Variants in GRIK2 observed in about 807,000 individuals in gnomAD.
GRIK2 encodes glutamate receptor ionotropic, kainate 2.
In GRIK2, 32 loss-of-function variants were observed where a neutral mutation model predicts 100.3. The ratio of observed to expected loss-of-function variants is 0.32; its 90% CI spans 0.24 to 0.43. The LOEUF (loss-of-function observed/expected upper bound fraction) is 0.43. Ranked by LOEUF, GRIK2 falls within the 20% of genes least tolerant of loss-of-function variation. The pLI is 1.00. For missense variants in GRIK2, 843 were observed against 1,114.9 expected (o/e 0.76, Z 3.47); for synonymous variants, 417 against 389.4 (o/e 1.07, Z -0.83).
In GRIK2 at chr6:101,902,521, A is replaced by T. The variant is rs1024838942; in HGVS notation, c.1748+12658A>T. Among the ~76,000 whole-genome samples the T allele has an allele frequency of 2.6e-5, 4 of 151,976 alleles. No homozygotes were observed. The East Asian group carries it at 7.7e-4, about 29-fold the overall frequency. ...CATTTAAATAAGTTTATACCTAAACAATTAGCATAACATTTTTGAGTTAAC... is the reference window on the plus strand; with the variant it reads ...CATTTAAATAAGTTTATACCTAAACTATTAGCATAACATTTTTGAGTTAAC... On this transcript the variant is annotated intron_variant, in intron 12 of 16. Transcript: ENST00000369134.
intron 7 of GRIK2, among the ~76,000 whole-genome samples, chr6:101,769,806 T>C (rs1263940030): frequency 6.6e-6 from 1 of 152,128 alleles, no homozygotes; most frequent in Non-Finnish European, 1.5e-5. Context: ...CAAAGTAAAC[T>C]ATGCACATAG....
At chr6:101,977,956 G>A (rs1382198040) in intron 14 of GRIK2, among the ~76,000 whole-genome samples, 1 of 151,962 alleles carries the variant, frequency 6.6e-6, no homozygotes, top group Admixed American at 6.6e-5. Flanking sequence ...TTATTCTTGT[G>A]AGTTAGATGC....
At position 102,065,099 on chromosome 6, in the gene GRIK2, A is replaced by T. The variant is rs150209242; in HGVS notation, c.2563-3248A>T. ...TAAAATTTGTATTTTGTCATTATGT[A>T]ATCGAGACCATTGATTGACTTATGA... On this transcript the variant is annotated intron_variant, in intron 16 of 16. Transcript: ENST00000369134. Among the ~76,000 whole-genome samples the T allele has an allele frequency of 2.4e-3, 358 of 151,450 alleles. 1 individual carries two copies. The highest frequency in any genetic ancestry group is 3.9e-3 in the Non-Finnish European group (260 of 67,496).
chr6:101,483,773 G>T (rs1237213635), intron 2 of GRIK2, among the ~76,000 whole-genome samples: 1 of 151,914 alleles, frequency 6.6e-6, no homozygotes, highest in Non-Finnish European at 1.5e-5. Flanking sequence ...GATGGGTTTC[G>T]CCATGTTGGC....
At chr6:101,961,195 T>C (rs1209929942) in intron 14 of GRIK2, among the ~76,000 whole-genome samples, 2 of 152,140 alleles carry the variant, frequency 1.3e-5, no homozygotes, top group Non-Finnish European at 2.9e-5. Context: ...CAGGACTCAA[T>C]GTAACTGAGG....
intron 14 of GRIK2, among the ~76,000 whole-genome samples, chr6:102,026,669 A>G (rs1232525476): frequency 6.6e-6 from 1 of 151,220 alleles, no homozygotes; most frequent in Non-Finnish European, 1.5e-5. Flanking sequence ...CTATCCTATT[A>G]TGCTTAGTCA....
At chr6:101,954,572 G>GATTTTACATACATACA (rs1791798397) in intron 14 of GRIK2, among the ~76,000 whole-genome samples, 1 of 152,016 alleles carries the variant, frequency 6.6e-6, no homozygotes, top group Non-Finnish European at 1.5e-5. Context: ...ACTGCAGTGG[G>GATTTTACATACATACA]TTAGAACTCT....
At chr6:102,025,642 T>C (rs933863231) in intron 14 of GRIK2, among the ~76,000 whole-genome samples, 9 of 151,082 alleles carry the variant, frequency 6.0e-5, no homozygotes, top group African/African-American at 2.2e-4. Flanking sequence ...AAATTAATGA[T>C]TAATATAATC....
chr6:101,923,628 A>G (rs1179865578), intron 12 of GRIK2, among the ~76,000 whole-genome samples: 1 of 152,108 alleles, frequency 6.6e-6, no homozygotes, highest in African/African-American at 2.4e-5. Flanking sequence ...TGCTTCTAAA[A>G]CTGCTTTGAT....
intron 7 of GRIK2, among the ~76,000 whole-genome samples, chr6:101,785,667 T>C (rs1779376392): frequency 6.6e-6 from 1 of 152,138 alleles, no homozygotes; most frequent in African/African-American, 2.4e-5. Flanking sequence ...TTTTGTTTCA[T>C]TGGTCTATGT....
At chr6:101,961,037 G>A (rs1456666605) in intron 14 of GRIK2, among the ~76,000 whole-genome samples, 1 of 152,108 alleles carries the variant, frequency 6.6e-6, no homozygotes, top group African/African-American at 2.4e-5. Flanking sequence ...CACCTTGACT[G>A]GAGTGACAGG....
rs75979337 is a variant in GRIK2 at position 101,413,168 on chromosome 6, T to A, written c.115+13776T>A. ...TTCTCTGTACTATGTGTAAGATGAC[T>A]AAACTTGGCTACAAAAAATAGCTAT... On this transcript the variant is annotated intron_variant, in intron 2 of 16. Transcript: ENST00000369134. 5.3e-5 allele frequency among the ~76,000 whole-genome samples: 8 copies of A among 152,156 alleles called. No individual in the cohort carries two copies. The East Asian group carries it at 1.4e-3, about 26-fold the overall frequency.
chr6:101,686,886 T>C (rs557697118), intron 7 of GRIK2, among the ~76,000 whole-genome samples: 1 of 152,066 alleles, frequency 6.6e-6, no homozygotes. Flanking sequence ...GCATAAACTA[T>C]GAAAGAAGGG....
chr6:101,657,111 A>T (rs921493807), intron 4 of GRIK2, among the ~76,000 whole-genome samples: 1 of 152,180 alleles, frequency 6.6e-6, no homozygotes. Context: ...AATGTTATCT[A>T]TGATTATTAC....
intron 7 of GRIK2, among the ~76,000 whole-genome samples, chr6:101,747,548 A>T (rs947005229): frequency 6.6e-6 from 1 of 152,138 alleles, no homozygotes; most frequent in Non-Finnish European, 1.5e-5. Context: ...TAATATCTGA[A>T]TTTTTGTATG....
chr6:101,670,406 T>C (rs1019352892), intron 4 of GRIK2, among the ~76,000 whole-genome samples: 10 of 152,126 alleles, frequency 6.6e-5, no homozygotes, highest in African/African-American at 2.4e-4. Flanking sequence ...TCTGTTACAT[T>C]AATGCCAGCA....
At chr6:101,489,052 G>T in intron 2 of GRIK2, among the ~76,000 whole-genome samples, 1 of 146,182 alleles carries the variant, frequency 6.8e-6, no homozygotes, top group African/African-American at 2.6e-5. Context: ...ATTTTAAAAT[G>T]TTACTCTTTT....
chr6:102,049,811 A>G (rs1771078251), intron 15 of GRIK2, among the ~76,000 whole-genome samples: 1 of 152,200 alleles, frequency 6.6e-6, no homozygotes, highest in South Asian at 2.1e-4. Context: ...TTGATTTGAA[A>G]GTAAAGAAAC....
chr6:101,757,067 T>A (rs983054680), intron 7 of GRIK2, among the ~76,000 whole-genome samples: 1 of 152,150 alleles, frequency 6.6e-6, no homozygotes, highest in Non-Finnish European at 1.5e-5. Context: ...TTGCTTTAAA[T>A]AGCTTTAAAT....
Sources: allele counts gnomAD v4.1 joint callset (sites outside exome capture counted in the v4.1 genomes callset), GRCh38; gene constraint gnomAD v4.1.1; transcripts MANE v1.5; gene names NCBI Gene and HGNC (gene_info 2026-07-23, HGNC 2026-07-21).